IFT80: variants seen among roughly 807,000 people sequenced by gnomAD.
IFT80 encodes the protein intraflagellar transport protein 80 homolog.
A neutral mutation model predicts 107.9 loss-of-function variants in IFT80; 79 were observed. The ratio of observed to expected loss-of-function variants is 0.73; its 90% CI spans 0.61 to 0.88. The LOEUF is 0.88. IFT80 is among the 40% of genes least tolerant of loss of function. The pLI is 0.00. For missense variants in IFT80, 797 were observed against 914.2 expected (o/e 0.87, Z 1.65); for synonymous variants, 299 against 300.9 (o/e 0.99, Z 0.07).
intron 8 of IFT80, among the ~76,000 whole-genome samples, chr3:160,329,749 C>T (rs1718948980): frequency 6.6e-6 from 1 of 152,084 alleles, no homozygotes; most frequent in Non-Finnish European, 1.5e-5. Context: ...ACACAGGTTT[C>T]CCTGTTTCTT....
chr3:160,329,672 G>A (rs1718942575), intron 8 of IFT80, among the ~76,000 whole-genome samples: 3 of 152,114 alleles, frequency 2.0e-5, no homozygotes, highest in Non-Finnish European at 4.4e-5. Context: ...GCATTAGATC[G>A]TAACCTCTTT....
At position 160,319,817 on chromosome 3, in the gene IFT80, TTC is replaced by T. The variant is rs1450731316; in HGVS notation, c.898_899del (p.Glu300ThrfsTer22). 1.2e-6 allele frequency: 2 copies of T among 1,613,136 alleles called. No individual in the cohort carries two copies. Among genetic ancestry groups the T allele is most frequent in the Non-Finnish European group, 1.7e-6 (2 of 1,179,316 alleles). ...GAAAATTTTTCCACTCCCAATGTTGTTCCACCACATGTGCAAAAACGACATGT... is the reference window on the plus strand; with the variant it reads ...GAAAATTTTTCCACTCCCAATGTTGTCACCACATGTGCAAAAACGACATGT... Reference protein sequence around the residue: ...NGHVVFAHVVEQHWEWKNFQV... With the variant: ...NGHVVFAHVVXQHWEWKNFQV... On this transcript the variant is annotated frameshift_variant, in exon 9 of 20. Coordinates refer to ENST00000326448, the MANE Select transcript of IFT80 (RefSeq NM_020800.3). LOFTEE classifies it high-confidence loss of function.
At chr3:160,306,065 A>G (rs1037288640) in intron 10 of IFT80, among the ~76,000 whole-genome samples, 19 of 152,140 alleles carry the variant, frequency 1.2e-4, no homozygotes, top group African/African-American at 4.1e-4. Context: ...GCATTTCATT[A>G]CCACTGCTGC....
chr3:160,294,264 G>A (rs1044411867), intron 12 of IFT80, among the ~76,000 whole-genome samples: 1 of 152,058 alleles, frequency 6.6e-6, no homozygotes, highest in Non-Finnish European at 1.5e-5. Context: ...TGATGCCCAG[G>A]CTGTGGTGCA....
intron 1 of IFT80, among the ~76,000 whole-genome samples, chr3:160,389,976 A>G (rs1713242303): frequency 6.6e-6 from 1 of 152,174 alleles, no homozygotes; most frequent in African/African-American, 2.4e-5. Flanking sequence ...ATTTCTCCAC[A>G]TCCTGGACTT....
At chr3:160,369,357 T>C (rs1313958217) in intron 5 of IFT80, among the ~76,000 whole-genome samples, 3 of 151,918 alleles carry the variant, frequency 2.0e-5, no homozygotes, top group Non-Finnish European at 4.4e-5. Context: ...GTTACTCTCC[T>C]TAACCATTAA....
At chr3:160,367,061 A>T (rs1469246680) in intron 5 of IFT80, among the ~76,000 whole-genome samples, 1 of 152,086 alleles carries the variant, frequency 6.6e-6, no homozygotes. Flanking sequence ...TTCACTCAAC[A>T]TAATGAATGA....
intron 6 of IFT80, among the ~76,000 whole-genome samples, chr3:160,363,435 C>G (rs993498690): frequency 2.0e-5 from 3 of 152,100 alleles, no homozygotes; most frequent in Non-Finnish European, 4.4e-5. Context: ...AATGGCCATA[C>G]TGCCCAAAGT....
chr3:160,359,960 G>A (rs991682933), intron 6 of IFT80, among the ~76,000 whole-genome samples: 34 of 152,164 alleles, frequency 2.2e-4, no homozygotes, highest in African/African-American at 7.0e-4. Flanking sequence ...CCAAAGGATC[G>A]CAGCTCCTCG....
chr3:160,258,754 GAGAGCATCAAAAGATTAGAGAAAA>G (rs1190416811), intron 19 of IFT80, 119 bp from the exon 20 acceptor site: 1 of 1,276,380 alleles, frequency 7.8e-7, no homozygotes, highest in African/African-American at 1.5e-5. Context: ...TAGAGAAAAA[GAGAGCATCAAAAGATTAGAGAAAA>G]AGAGAGCATC....
At chr3:160,270,784 T>A (rs1713740165) in intron 18 of IFT80, among the ~76,000 whole-genome samples, 1 of 152,190 alleles carries the variant, frequency 6.6e-6, no homozygotes, top group Non-Finnish European at 1.5e-5. Context: ...TGTGTATGTG[T>A]GAGTGGAGAC....
In IFT80 at chr3:160,380,279, C is replaced by T. The variant is rs180832800; in HGVS notation, c.259+1224G>A. ...CTCGAACTCCTGACCTCAAATGATG[C>T]GCCCACCTCAGCCTCCCAAAGTCCA... On this transcript the variant is annotated intron_variant, in intron 3 of 19. Coordinates refer to ENST00000326448, the MANE Select transcript of IFT80 (RefSeq NM_020800.3). 1.6e-4 allele frequency among the ~76,000 whole-genome samples: 25 copies of T among 152,058 alleles called. 1 individual carries two copies. The highest frequency in any genetic ancestry group is 1.5e-3 in the South Asian group (7 of 4,808).
chr3:160,315,053 A>AAGGGG (rs1553758077), intron 9 of IFT80, among the ~76,000 whole-genome samples: 1 of 45,170 alleles, frequency 2.2e-5, no homozygotes. Context: ...AAAAAGAAGG[A>AAGGGG]AGGGAGGGAG....
At chr3:160,372,690 TA>T (rs1461562184) in intron 5 of IFT80, among the ~76,000 whole-genome samples, 3 of 152,194 alleles carry the variant, frequency 2.0e-5, no homozygotes, top group African/African-American at 7.2e-5. Context: ...TATTAATCCA[TA>T]ATTAACAAAC....
chr3:160,317,951 G>A (rs1488323143), intron 9 of IFT80, among the ~76,000 whole-genome samples: 2 of 151,508 alleles, frequency 1.3e-5, no homozygotes. Context: ...AACACTTTGT[G>A]GATATTTGAT....
intron 1 of IFT80, among the ~76,000 whole-genome samples, chr3:160,393,542 T>C (rs920357643): frequency 1.3e-5 from 2 of 152,128 alleles, no homozygotes; most frequent in African/African-American, 2.4e-5. Flanking sequence ...GGAGTTATTG[T>C]TCAATGGGTA....
intron 14 of IFT80, among the ~76,000 whole-genome samples, chr3:160,281,727 G>C (rs911039877): frequency 3.3e-5 from 5 of 152,168 alleles, no homozygotes; most frequent in South Asian, 4.1e-4. Context: ...GGAGTGGTAA[G>C]GGAAAAACGC....
intron 8 of IFT80, among the ~76,000 whole-genome samples, chr3:160,350,263 A>G (rs183547569): frequency 6.6e-6 from 1 of 151,944 alleles, no homozygotes; most frequent in Non-Finnish European, 1.5e-5. Flanking sequence ...AAAAATACAA[A>G]AAATTAGCTG....
At chr3:160,265,972 TCCC>T (rs1249288402) in intron 19 of IFT80, among the ~76,000 whole-genome samples, 2 of 152,278 alleles carry the variant, frequency 1.3e-5, no homozygotes, top group Non-Finnish European at 2.9e-5. Flanking sequence ...AATGCAGATA[TCCC>T]CAAGAGCTAT....
Sources: gnomAD v4.1 joint callset for allele counts (sites outside exome capture counted in the v4.1 genomes callset) on GRCh38, gnomAD v4.1.1 for gene constraint, MANE v1.5 for transcripts, NCBI Gene and HGNC (gene_info 2026-07-23, HGNC 2026-07-21) for gene names.